WDR3: variants seen among roughly 807,000 people sequenced by gnomAD.
WDR3 encodes the protein WD repeat domain 3.
WDR3 carries 81 observed loss-of-function variants against 123.7 expected under a neutral mutation model. The ratio of observed to expected loss-of-function variants is 0.65; its 90% CI spans 0.55 to 0.79. The LOEUF (loss-of-function observed/expected upper bound fraction) is 0.79, where lower values mean the gene tolerates loss of function less well. Among genes scored for constraint, WDR3 ranks in the 30% least tolerant of loss-of-function variants. The pLI is 0.00. For missense variants in WDR3, 1,027 were observed against 1,123.2 expected (o/e 0.91, Z 1.22); for synonymous variants, 390 against 388.8 (o/e 1.00, Z -0.04).
Position 117,934,553 on chromosome 1 carries a change from T to G in WDR3, c.252T>G (p.Tyr84Ter). Residue 84 changes from tyrosine to a stop codon, truncating the protein, a stop_gained, in exon 3 of 27, where the codon TAT (tyrosine) becomes TAG (stop). Transcript: ENST00000349139. LOFTEE classifies it high-confidence loss of function. Reference sequence around the variant, plus strand: ...ATGGGCTACACTTAGCTGTTGGGTATGAGGATGGGTCGATCCGAATCTTCA... The same window carrying G: ...ATGGGCTACACTTAGCTGTTGGGTAGGAGGATGGGTCGATCCGAATCTTCA... Reference protein sequence around the residue: ...SPDGLHLAVGYEDGSIRIFSL... With the variant: ...SPDGLHLAVG 1 of 1,614,198 alleles carries G rather than the reference T, an allele frequency of 6.2e-7. No homozygotes were observed. The highest frequency in any genetic ancestry group is 1.3e-5 in the African/African-American group (1 of 75,064).
At position 117,934,565 on chromosome 1, in the gene WDR3, G is replaced by A. The variant is rs58683881; in HGVS notation, c.264G>A (p.Ser88=). 2,162 of 1,614,094 alleles carry A rather than the reference G, an allele frequency of 1.3e-3. 26 individuals are homozygous for A. In the African/African-American group the frequency reaches 0.025, roughly 18 times the overall value. The change falls in exon 3 of 27, where the codon TCG becomes TCA. Residue 88 remains serine, a synonymous_variant. Coordinates refer to ENST00000349139, the MANE Select transcript of WDR3 (RefSeq NM_006784.3). Reference sequence around the variant, plus strand: ...TAGCTGTTGGGTATGAGGATGGGTCGATCCGAATCTTCAGTCTCCTGAGTG... The same window carrying A: ...TAGCTGTTGGGTATGAGGATGGGTCAATCCGAATCTTCAGTCTCCTGAGTG... ...LHLAVGYEDG[S]IRIFSLLSGE... is the part of the protein sequence containing the mutation.
In WDR3 at chr1:117,966,536, G is replaced by T. The variant is rs976471107; in HGVS notation, c.*7089G>T. 5.0e-5 allele frequency: 66 copies of T among 1,320,076 alleles called. No homozygotes were observed. Among genetic ancestry groups the T allele is most frequent in the Non-Finnish European group, 6.5e-5 (64 of 988,828 alleles). 81.8% of individuals were successfully genotyped at this position (1,320,076 alleles called of 1,614,324 possible). A position where few individuals can be genotyped will look rare whatever the true frequency, so the allele number is the denominator to read the frequency against. ...AATTAATAAAGTAGAGATGCATTTT[G>T]ACTTCCATGTTTTCCTCACTCGTGT... On this transcript the variant is annotated 3_prime_UTR_variant, in exon 27 of 27. Transcript: ENST00000349139.
At position 117,959,228 on chromosome 1, in the gene WDR3, A is replaced by G. The variant is rs1652672520; in HGVS notation, c.2677-64A>G. On this transcript the variant is annotated intron_variant, in intron 26 of 26. Transcript: ENST00000349139. ...TGAAGCTTTGGTTACCCTAACTCTC[A>G]TACGCTGCTATAATGAATTGAAGTG... 1.7e-5 allele frequency: 27 copies of G among 1,556,480 alleles called. 2 individuals are homozygous for G. In the South Asian group the frequency reaches 2.8e-4, roughly 16 times the overall value.
chr1:117,958,273 G>C (rs1652513002), intron 25 of WDR3, among the ~76,000 whole-genome samples: 1 of 152,138 alleles, frequency 6.6e-6, no homozygotes. Flanking sequence ...AGAATAATAT[G>C]TTCTGTTGCC....
Position 117,946,086 on chromosome 1 carries a change from G to T in WDR3, c.1329G>T (p.Arg443Ser). 4 of 1,605,768 alleles carry T rather than the reference G, an allele frequency of 2.5e-6. No homozygotes were observed. The highest frequency in any genetic ancestry group is 2.6e-6 in the Non-Finnish European group (3 of 1,175,758). The change falls in exon 12 of 27, where the codon AGG becomes AGT. Residue 443 changes from arginine (R) to serine (S), a missense_variant and splice_region_variant. Transcript: ENST00000349139. ...GTTCTTTATTTTTTCTTTCTCATAG[G>T]TCTACACTGCAGTGTATTCGCACAA... ...AAADSIKIWN[R>S]STLQCIRTMT... is the part of the protein sequence containing the mutation.
At chr1:117,947,453 G>A (rs1157624149) in intron 12 of WDR3, among the ~76,000 whole-genome samples, 1 of 152,202 alleles carries the variant, frequency 6.6e-6, no homozygotes, top group Non-Finnish European at 1.5e-5. Context: ...CCAGGAAACA[G>A]TATTCACATC....
Position 117,960,945 on chromosome 1 carries a change from T to C in WDR3, c.*1498T>C, listed in dbSNP as rs1029609999. The C allele has an allele frequency of 6.6e-6, 1 of 152,238 alleles. No homozygotes were observed. Among genetic ancestry groups the C allele is most frequent in the Admixed American group, 6.5e-5 (1 of 15,284 alleles). The allele number at this position is 152,238 out of a possible 1,614,324, so 9.4% of individuals were successfully genotyped here. A position where few individuals can be genotyped will look rare whatever the true frequency, so the allele number is the denominator to read the frequency against. On this transcript the variant is annotated 3_prime_UTR_variant, in exon 27 of 27. Transcript: ENST00000349139. ...TTCCTAATTTTTTTCATCTGAAACT[T>C]TTCTCATTGTTTCAGATCTCCAAAA...
chr1:117,934,514 A>G lies in WDR3; in HGVS notation c.213A>G (p.Leu71=), dbSNP rs1165753032. 6.2e-7 allele frequency: 1 copy of G among 1,614,158 alleles called. No homozygotes were observed. The highest frequency in any genetic ancestry group is 1.3e-5 in the African/African-American group (1 of 75,056). Residue 71 remains leucine, a synonymous_variant, in exon 3 of 27, where the codon TTA becomes TTG. Transcript: ENST00000349139. ...LQGLKQEVTC[L]CPSPDGLHLA... ...GGCTTAAACAAGAAGTTACTTGCTT[A>G]TGCCCCTCCCCAGATGGGCTACACT... is the stretch of plus-strand genomic sequence containing the variant.
Position 117,951,973 on chromosome 1 carries a change from T to C in WDR3, c.1804-3T>C, listed in dbSNP as rs1203918448. The C allele has an allele frequency of 6.2e-7, 1 of 1,609,224 alleles. No homozygotes were observed. Among genetic ancestry groups the C allele is most frequent in the African/African-American group, 1.3e-5 (1 of 74,480 alleles). On this transcript the variant is annotated splice_region_variant and splice_polypyrimidine_tract_variant and intron_variant, in intron 16 of 26. Coordinates refer to ENST00000349139, the MANE Select transcript of WDR3 (RefSeq NM_006784.3). ...GGTAGTGTTTTACTTTTATTTCTCA[T>C]AGGATGGAGCACTCATAGCAACTGG...
At chr1:117,951,508 C>CTT (rs60053262) in intron 16 of WDR3, among the ~76,000 whole-genome samples, 2 of 128,788 alleles carry the variant, frequency 1.6e-5, no homozygotes, top group Non-Finnish European at 3.4e-5. Context: ...AAATGTATTT[C>CTT]TTTTTTTTTT....
chr1:117,939,895 G>A (rs1397719762), intron 6 of WDR3, among the ~76,000 whole-genome samples: 1 of 152,132 alleles, frequency 6.6e-6, no homozygotes, highest in Non-Finnish European at 1.5e-5. Flanking sequence ...AAATATATAT[G>A]TAGAATTTTA....
Position 117,963,726 on chromosome 1 carries a change from G to A in WDR3, c.*4279G>A, listed in dbSNP as rs1464287654. The A allele has an allele frequency of 1.4e-6, 2 of 1,395,874 alleles. No homozygotes were observed. The highest frequency in any genetic ancestry group is 4.4e-5 in the Admixed American group (2 of 45,400). The allele number at this position is 1,395,874 out of a possible 1,614,324, so 86.5% of individuals were successfully genotyped here. A position where few individuals can be genotyped will look rare whatever the true frequency, so the allele number is the denominator to read the frequency against. The stretch of plus-strand genomic sequence containing the variant: ...ATAGGTTTCTGACTATAAGAAGAGG[G>A]GAAGAAACCTGGGGTCTAATACCTC... On this transcript the variant is annotated 3_prime_UTR_variant, in exon 27 of 27. Transcript: ENST00000349139.
intron 13 of WDR3, among the ~76,000 whole-genome samples, 196 bp from the exon 14 acceptor site, chr1:117,949,555 T>C (rs916176060): frequency 6.6e-6 from 1 of 152,190 alleles, no homozygotes; most frequent in East Asian, 1.9e-4. Context: ...TGTTAGTCGA[T>C]GGTAGGAATT....
rs1652968513 is a variant in WDR3, at chr1:117,960,765, T to G, written c.*1318T>G. On this transcript the variant is annotated 3_prime_UTR_variant, in exon 27 of 27. Transcript: ENST00000349139. Reference sequence around the variant, plus strand: ...ATTTAATACTGCATCTTTACATTATTTTACATTTCTCCCAAAACTGTGAAT... The same window carrying G: ...ATTTAATACTGCATCTTTACATTATGTTACATTTCTCCCAAAACTGTGAAT... 6.6e-6 allele frequency: 1 copy of G among 152,058 alleles called. No individual in the cohort carries two copies. Among genetic ancestry groups the G allele is most frequent in the Non-Finnish European group, 1.5e-5 (1 of 68,040 alleles). 9.4% of individuals were successfully genotyped at this position (152,058 alleles called of 1,614,324 possible). A position where few individuals can be genotyped will look rare whatever the true frequency, so the allele number is the denominator to read the frequency against.
intron 1 of WDR3, among the ~76,000 whole-genome samples, chr1:117,932,974 C>T (rs886666754): frequency 6.7e-6 from 1 of 149,724 alleles, no homozygotes; most frequent in Non-Finnish European, 1.5e-5. Context: ...GCGGATGGAT[C>T]ACTTGAGGTG....
At chr1:117,945,714 T>A (rs1045710403) in intron 11 of WDR3, among the ~76,000 whole-genome samples, 2 of 152,206 alleles carry the variant, frequency 1.3e-5, no homozygotes, top group African/African-American at 2.4e-5. Flanking sequence ...ATTTGATTAA[T>A]TAATTAATGT....
intron 6 of WDR3, among the ~76,000 whole-genome samples, 188 bp downstream of exon 6, chr1:117,939,760 G>A (rs1466889043): frequency 6.6e-6 from 1 of 152,116 alleles, no homozygotes; most frequent in Non-Finnish European, 1.5e-5. Flanking sequence ...TTGAGCTCAG[G>A]TTAGCTTTAG....
intron 24 of WDR3, 146 bp from the exon 25 acceptor site, chr1:117,956,922 A>G (rs1048955747): frequency 1.7e-6 from 1 of 592,030 alleles, no homozygotes; most frequent in African/African-American, 1.9e-5. Context: ...AGAGTCATCT[A>G]GCTTACAGAT....
chr1:117,942,895 T>G (rs1356961495), intron 10 of WDR3, among the ~76,000 whole-genome samples: 1 of 150,492 alleles, frequency 6.6e-6, no homozygotes, highest in Non-Finnish European at 1.5e-5. Context: ...CCTAGTTTTT[T>G]TTTTTTTTTT....
Sources: gnomAD v4.1 joint callset for allele counts (sites outside exome capture counted in the v4.1 genomes callset) on GRCh38, gnomAD v4.1.1 for gene constraint, MANE v1.5 for transcripts, NCBI Gene and HGNC (gene_info 2026-07-23, HGNC 2026-07-21) for gene names.